VPS52: variants seen among roughly 807,000 people sequenced by gnomAD.
VPS52 encodes the protein vacuolar protein sorting-associated protein 52 homolog.
A neutral mutation model predicts 98.7 loss-of-function variants in VPS52; 56 were observed. The observed-to-expected ratio is 0.57, with a 90% CI of 0.46 to 0.71. The LOEUF is 0.71. Ranked by LOEUF, VPS52 falls within the 30% of genes least tolerant of loss-of-function variation. The pLI is 0.00. For synonymous variants in VPS52, 348 were observed against 346.4 expected (o/e 1.00, Z -0.05); for missense variants, 742 against 925.9 (o/e 0.80, Z 2.58).
At chr6:33,263,372 T>C (rs1490504144) in intron 17 of VPS52, 112 bp downstream of exon 17, 2 of 644,282 alleles carry the variant, frequency 3.1e-6, no homozygotes, top group African/African-American at 5.8e-5. Flanking sequence ...TGAGATCCAT[T>C]ATGCCACTCC....
At chr6:33,271,957 A>G, upstream of VPS52, 1 of 1,076,730 alleles carries the variant, frequency 9.3e-7, no homozygotes, top group Non-Finnish European at 1.3e-6. Context: ...GTGGTACCCA[A>G]GCCATACTCT....
At chr6:33,256,028 C>A (rs761744236) in intron 17 of VPS52, among the ~76,000 whole-genome samples, 1 of 152,038 alleles carries the variant, frequency 6.6e-6, no homozygotes, top group South Asian at 2.1e-4. Flanking sequence ...GAGTGTTAGC[C>A]AGTAGAATAA....
intron 17 of VPS52, among the ~76,000 whole-genome samples, chr6:33,252,310 C>T (rs13217072): frequency 0.04 from 6,117 of 152,204 alleles, 183 homozygotes; most frequent in Non-Finnish European, 0.063. Flanking sequence ...AAGGATAGGC[C>T]GGGCACAGTG....
At chr6:33,251,797 CTTTCA>C (rs1762281576) in intron 18 of VPS52, 58 bp downstream of exon 18, 1 of 1,547,544 alleles carries the variant, frequency 6.5e-7, no homozygotes, top group Non-Finnish European at 8.9e-7. Flanking sequence ...AATCTGCATC[CTTTCA>C]TTTTTCTTTT....
intron 17 of VPS52, among the ~76,000 whole-genome samples, chr6:33,255,845 G>A (rs12210802): frequency 6.7e-6 from 1 of 148,378 alleles, no homozygotes; most frequent in Non-Finnish European, 1.5e-5. Flanking sequence ...TGCCCAGGCA[G>A]ATCCCCTCAA....
intron 17 of VPS52, among the ~76,000 whole-genome samples, chr6:33,256,371 A>C (rs1284046783): frequency 4.7e-5 from 7 of 150,360 alleles, no homozygotes; most frequent in Non-Finnish European, 1.0e-4. Context: ...AGGCTGAGAC[A>C]AGAGAAGCAC....
At chr6:33,266,499 G>A (rs1764322775) in intron 12 of VPS52, 58 bp downstream of exon 12, 3 of 1,504,150 alleles carry the variant, frequency 2.0e-6, no homozygotes, top group Non-Finnish European at 2.7e-6. Context: ...ACCCCACTAT[G>A]CTGCTGATGA....
chr6:33,269,878 A>G (rs1764797255), intron 3 of VPS52, 59 bp from the exon 4 acceptor site: 1 of 1,590,630 alleles, frequency 6.3e-7, no homozygotes, highest in Non-Finnish European at 8.6e-7. Flanking sequence ...ACACTGTAAC[A>G]GAATCAGTGA....
chr6:33,250,797 G>T lies in VPS52; in HGVS notation c.*44C>A. 6.3e-7 allele frequency: 1 copy of T among 1,597,286 alleles called. No homozygotes were observed. Among genetic ancestry groups the T allele is most frequent in the Non-Finnish European group, 8.6e-7 (1 of 1,169,348 alleles). ...GAAGGGTATGGAATGGGGTGCAGAA[G>T]TCCATGGAGATGACCGGCAGATCTC... On this transcript the variant is annotated 3_prime_UTR_variant, in exon 20 of 20. Transcript: ENST00000445902.
At chr6:33,262,121 C>T (rs189183697) in intron 17 of VPS52, among the ~76,000 whole-genome samples, 1 of 148,464 alleles carries the variant, frequency 6.7e-6, no homozygotes, top group Admixed American at 6.7e-5. Context: ...ATTTGCACAT[C>T]CCATCTGCCA....
chr6:33,253,519 T>C (rs747651397), intron 17 of VPS52, among the ~76,000 whole-genome samples: 2 of 151,486 alleles, frequency 1.3e-5, no homozygotes. Context: ...AAATCACTTA[T>C]GAAATAACTG....
rs41266721 is a variant in VPS52, at chr6:33,270,344, T to C, written c.91-61A>G. 7,919 of 1,481,694 alleles carry C rather than the reference T, an allele frequency of 5.3e-3. 78 individuals carry two copies. Among genetic ancestry groups the C allele is most frequent in the South Asian group, 0.023 (1,976 of 84,626 alleles). The allele number at this position is 1,481,694 out of a possible 1,614,324, so 91.8% of individuals were successfully genotyped here. On this transcript the variant is annotated intron_variant, in intron 1 of 19. Transcript: ENST00000445902. Reference sequence around the variant, plus strand: ...TGAAAGACAGAAAGAAAAAATATAATTGGATATCCCCAGTCCTTCAAGTGA... The same window carrying C: ...TGAAAGACAGAAAGAAAAAATATAACTGGATATCCCCAGTCCTTCAAGTGA...
At chr6:33,260,959 G>A (rs1040858164) in intron 17 of VPS52, among the ~76,000 whole-genome samples, 1 of 151,500 alleles carries the variant, frequency 6.6e-6, no homozygotes, top group Non-Finnish European at 1.5e-5. Context: ...ACATCGTATC[G>A]CTGCACTCCA....
At chr6:33,263,355 G>A (rs1223716966) in intron 17 of VPS52, 129 bp downstream of exon 17, 9 of 740,988 alleles carry the variant, frequency 1.2e-5, no homozygotes, top group East Asian at 3.0e-5. Context: ...CAGTAATTCC[G>A]CATACCTGAG....
Position 33,252,870 on chromosome 6 carries a change from A to G in VPS52, c.1795-899T>C, listed in dbSNP as rs190065157. On this transcript the variant is annotated intron_variant, in intron 17 of 19. Transcript: ENST00000445902. ...TGATGGCTACTAACATCACAAAGAG[A>G]GCCAAGAAGACATTATGTGCTTCCT... 7.4e-4 allele frequency among the ~76,000 whole-genome samples: 113 copies of G among 152,260 alleles called. 2 individuals carry two copies. The East Asian group carries it at 0.016, about 22-fold the overall frequency.
intron 17 of VPS52, among the ~76,000 whole-genome samples, chr6:33,260,578 CGTT>C (rs1473907754): frequency 6.6e-6 from 1 of 152,166 alleles, no homozygotes; most frequent in African/African-American, 2.4e-5. Context: ...CACAGGTACT[CGTT>C]GATCTAAATG....
rs369656887 is a variant in VPS52 at position 33,263,761 on chromosome 6, G to A, written c.1728+11C>T. The A allele has an allele frequency of 1.2e-6, 2 of 1,614,078 alleles. No homozygotes were observed. The highest frequency in any genetic ancestry group is 1.7e-6 in the Non-Finnish European group (2 of 1,179,934). ...CTGGGTAGGAAGGCAAGGAGAAGGAGCACCTATTACCATCAGCACACCCAG... is the reference window on the plus strand; with the variant it reads ...CTGGGTAGGAAGGCAAGGAGAAGGAACACCTATTACCATCAGCACACCCAG... On this transcript the variant is annotated intron_variant, in intron 16 of 19. Transcript: ENST00000445902.
chr6:33,264,815 A>G lies in VPS52; in HGVS notation c.1367T>C (p.Ile456Thr). ...GGCAGGAACATCCCTCTTTGCTGCA[A>G]TGTTACGGAACCGGAGAACAATGTG... The part of the protein sequence containing the change: ...CIHIVLRFRN[I>T]AAKRDVPALD... The change falls in exon 13 of 20, where the codon ATT becomes ACT. Residue 456 changes from isoleucine (I) to threonine (T), a missense_variant. Coordinates refer to ENST00000445902, the MANE Select transcript of VPS52 (RefSeq NM_022553.6). The G allele has an allele frequency of 1.2e-6, 2 of 1,613,150 alleles. No individual in the cohort carries two copies. The highest frequency in any genetic ancestry group is 8.5e-7 in the Non-Finnish European group (1 of 1,180,028).
chr6:33,267,475 GGT>G lies in VPS52; in HGVS notation c.992-156_992-155del. 7.7e-7 allele frequency: 1 copy of G among 1,298,970 alleles called. No homozygotes were observed. The highest frequency in any genetic ancestry group is 1.5e-5 in the South Asian group (1 of 68,766). 80.5% of individuals were successfully genotyped at this position (1,298,970 alleles called of 1,614,324 possible). ...GCTGACATCTGTGAATGGGCTTCAGGGTGTCTCTCCCTCCCTTGCAATCATAT... is the reference window on the plus strand; with the variant it reads ...GCTGACATCTGTGAATGGGCTTCAGGGTCTCTCCCTCCCTTGCAATCATAT... On this transcript the variant is annotated intron_variant, in intron 10 of 19. Coordinates refer to ENST00000445902, the MANE Select transcript of VPS52 (RefSeq NM_022553.6). The surrounding 1 kb of genome is among the most constrained non-coding windows in gnomAD (Gnocchi z 4.2).
Sources: gnomAD v4.1 joint callset for allele counts (sites outside exome capture counted in the v4.1 genomes callset) on GRCh38, gnomAD v4.1.1 for gene constraint, Gnocchi (gnomAD v3.1) non-coding constraint, MANE v1.5 for transcripts, NCBI Gene and HGNC (gene_info 2026-07-23, HGNC 2026-07-21) for gene names.